Variants in RAB36 observed in about 807,000 individuals in gnomAD.
RAB36 encodes ras-related protein Rab-36.
RAB36 carries 33 observed loss-of-function variants against 39.3 expected under a neutral mutation model. The observed-to-expected ratio is 0.84, with a 90% CI of 0.64 to 1.12. The LOEUF is 1.12. Ranked by LOEUF, RAB36 falls within the 50% of genes most tolerant of loss-of-function variation. RAB36 has a pLI of 0.00. For missense variants in RAB36, 308 were observed against 355.3 expected (o/e 0.87, Z 1.07); for synonymous variants, 133 against 140.2 (o/e 0.95, Z 0.36).
intron 5 of RAB36, among the ~76,000 whole-genome samples, chr22:23,153,973 G>A (rs1190581298): frequency 1.3e-5 from 2 of 152,062 alleles, no homozygotes; most frequent in Non-Finnish European, 2.9e-5. Flanking sequence ...ACAGGTGTGA[G>A]CCACCGTACC....
rs1255126425 is a variant in RAB36 at position 23,164,725 on chromosome 22, T to C, written c.*3161T>C. ...GCCGAAACGCCTTTTTCCTCTTCCC[T>C]GTTTCCCTGGACCCTTTCCTGCTCT... On this transcript the variant is annotated 3_prime_UTR_variant, in exon 11 of 11. Coordinates refer to ENST00000263116, the MANE Select transcript of RAB36 (RefSeq NM_004914.5). Among the ~76,000 whole-genome samples the C allele has an allele frequency of 6.6e-6, 1 of 152,136 alleles. No individual in the cohort carries two copies. Among genetic ancestry groups the C allele is most frequent in the Non-Finnish European group, 1.5e-5 (1 of 68,018 alleles).
At chr22:23,159,477 C>T (rs536863820) in intron 9 of RAB36, among the ~76,000 whole-genome samples, 1 of 152,236 alleles carries the variant, frequency 6.6e-6, no homozygotes, top group East Asian at 1.9e-4. Flanking sequence ...GCCTGCCTCA[C>T]GGATGGGGGA....
chr22:23,166,146 TTAAA>T (rs1332154820), downstream of RAB36, among the ~76,000 whole-genome samples: 4 of 82,176 alleles, frequency 4.9e-5, no homozygotes, highest in East Asian at 8.3e-4. Flanking sequence ...ACTCTGTCTT[TTAAA>T]AAAAAAAAAA....
At chr22:23,160,850 G>A in intron 9 of RAB36, 29 bp from the exon 10 acceptor site, 1 of 1,604,212 alleles carries the variant, frequency 6.2e-7, no homozygotes, top group Non-Finnish European at 8.5e-7. Flanking sequence ...AAACACTGAT[G>A]AGGTCCCGGC....
chr22:23,153,844 C>T lies in RAB36; in HGVS notation c.329+710C>T, dbSNP rs562778511. Among the ~76,000 whole-genome samples the T allele has an allele frequency of 2.0e-5, 3 of 151,920 alleles. No homozygotes were observed. In the East Asian group the frequency reaches 5.8e-4, roughly 29 times the overall value. On this transcript the variant is annotated intron_variant, in intron 5 of 10. Coordinates refer to ENST00000263116, the MANE Select transcript of RAB36 (RefSeq NM_004914.5). ...GGACAACAGCTGTGTGCCCCCACAC[C>T]CAGCTAATTTATTTTTGTATTTTTA... is the stretch of plus-strand genomic sequence containing the variant.
At chr22:23,158,812 C>A in intron 7 of RAB36, 86 bp from the exon 8 acceptor site, 2 of 1,205,218 alleles carry the variant, frequency 1.7e-6, no homozygotes, top group Non-Finnish European at 2.4e-6. Context: ...GCACTTCAGC[C>A]CTGGGGAGGT....
rs1052224708 is a variant in RAB36, at chr22:23,162,559, G to A, written c.*995G>A. On this transcript the variant is annotated 3_prime_UTR_variant, in exon 11 of 11. Transcript: ENST00000263116. ...CTAGCATGTTCCTGTCTCCAACACC[G>A]CCTCCTGCACATGCAGAGCAGACAG... is the stretch of plus-strand genomic sequence containing the variant. 10 of 443,726 alleles carry A rather than the reference G, an allele frequency of 2.3e-5. No homozygotes were observed. Among genetic ancestry groups the A allele is most frequent in the African/African-American group, 4.0e-5 (2 of 49,884 alleles). 27.5% of individuals were successfully genotyped at this position (443,726 alleles called of 1,614,324 possible).
At chr22:23,146,286 G>GC (rs1223895586) in intron 1 of RAB36, among the ~76,000 whole-genome samples, 1 of 152,136 alleles carries the variant, frequency 6.6e-6, no homozygotes, top group Non-Finnish European at 1.5e-5. Flanking sequence ...ACGGTTCACT[G>GC]CACCCTTGAC....
chr22:23,155,888 G>T, intron 5 of RAB36, 80 bp from the exon 6 acceptor site: 1 of 1,331,790 alleles, frequency 7.5e-7, no homozygotes, highest in Non-Finnish European at 1.0e-6. Context: ...TCCCACCCAT[G>T]GTCCCGTAGC....
At chr22:23,160,758 G>T in intron 9 of RAB36, 121 bp from the exon 10 acceptor site, 1 of 1,362,976 alleles carries the variant, frequency 7.3e-7, no homozygotes, top group East Asian at 2.4e-5. Flanking sequence ...GTTACTGTCA[G>T]GGTGCTCTAG....
At chr22:23,167,624 A>C (rs1258570037), downstream of RAB36, among the ~76,000 whole-genome samples, 1 of 152,216 alleles carries the variant, frequency 6.6e-6, no homozygotes, top group Non-Finnish European at 1.5e-5. Context: ...GGTCACCTAC[A>C]ATCTAGGTAA....
downstream of RAB36, among the ~76,000 whole-genome samples, chr22:23,166,936 G>C (rs935338262): frequency 6.6e-6 from 1 of 152,142 alleles, no homozygotes; most frequent in Non-Finnish European, 1.5e-5. Context: ...CTTTGTGCCA[G>C]CCCCGTATGC....
In RAB36 at chr22:23,159,743, A is replaced by G. The variant is rs913531424; in HGVS notation, c.619+490A>G. On this transcript the variant is annotated intron_variant, in intron 9 of 10. Transcript: ENST00000263116. ...CTGGCATAGAGAAGGGCCCAGTGAC[A>G]GGGGCTCCCATCCCTTCCCAGTATC... Among the ~76,000 whole-genome samples the G allele has an allele frequency of 4.6e-5, 7 of 152,104 alleles. No homozygotes were observed. The East Asian group carries it at 7.7e-4, about 17-fold the overall frequency.
chr22:23,150,948 C>T (rs1041648216), intron 3 of RAB36, among the ~76,000 whole-genome samples: 3 of 152,232 alleles, frequency 2.0e-5, no homozygotes, highest in African/African-American at 7.2e-5. Context: ...TGTGTCTGTC[C>T]TCTTCCTGCC....
intron 3 of RAB36, 31 bp downstream of exon 3, chr22:23,150,185 A>G: frequency 6.5e-7 from 1 of 1,545,392 alleles, no homozygotes; most frequent in Non-Finnish European, 8.9e-7. Flanking sequence ...ATGGGGGAGC[A>G]GGTGGCAAGA....
chr22:23,156,990 G>A (rs1026301983), intron 6 of RAB36, among the ~76,000 whole-genome samples: 5 of 152,294 alleles, frequency 3.3e-5, no homozygotes, highest in African/African-American at 1.2e-4. Context: ...CCAAGGTGCA[G>A]AGGAAGCCCC....
chr22:23,147,482 T>A (rs2070855938), intron 2 of RAB36, among the ~76,000 whole-genome samples: 1 of 152,078 alleles, frequency 6.6e-6, no homozygotes, highest in South Asian at 2.1e-4. Flanking sequence ...AGGCATGTGC[T>A]ACCATGCCTG....
intron 4 of RAB36, 30 bp from the exon 5 acceptor site, chr22:23,153,003 C>T (rs758569192): frequency 1.3e-6 from 2 of 1,501,448 alleles, no homozygotes; most frequent in East Asian, 2.3e-5. Flanking sequence ...TGTGAGTACA[C>T]CCCTGTGACG....
chr22:23,145,975 C>T (rs970484552), intron 1 of RAB36: 1 of 985,370 alleles, frequency 1.0e-6, no homozygotes, highest in Non-Finnish European at 1.2e-6. Context: ...AGCAGGAGAC[C>T]CCTCCCCACT....
Sources: allele counts gnomAD v4.1 joint callset (sites outside exome capture counted in the v4.1 genomes callset), GRCh38; gene constraint gnomAD v4.1.1; transcripts MANE v1.5; gene names NCBI Gene and HGNC (gene_info 2026-07-23, HGNC 2026-07-21).